Variants in CDH13 observed in about 807,000 individuals in gnomAD.
CDH13 encodes the protein cadherin 13, also known as cadherin-13.
A neutral mutation model predicts 63.8 loss-of-function variants in CDH13; 24 were observed. That is an observed-to-expected ratio of 0.38 (90% CI 0.27 to 0.53). The LOEUF is 0.53. Among genes scored for constraint, CDH13 ranks in the 20% least tolerant of loss-of-function variants. The pLI, the probability that CDH13 is intolerant of heterozygous loss-of-function variation, is 0.85. For missense variants in CDH13, 1,049 were observed against 903.1 expected (o/e 1.16, Z -2.07); for synonymous variants, 503 against 355.3 (o/e 1.42, Z -4.67).
intron 10 of CDH13, among the ~76,000 whole-genome samples, chr16:83,738,267 G>C (rs1261741334): frequency 6.6e-6 from 1 of 152,168 alleles, no homozygotes; most frequent in African/African-American, 2.4e-5. Context: ...GCGGTGCCTG[G>C]CATGAAACAG....
chr16:83,266,902 A>G (rs1182734763), intron 5 of CDH13, among the ~76,000 whole-genome samples: 1 of 152,142 alleles, frequency 6.6e-6, no homozygotes, highest in Non-Finnish European at 1.5e-5. Context: ...AATGACCCAC[A>G]GTTACCTCTA....
intron 1 of CDH13, among the ~76,000 whole-genome samples, chr16:82,695,546 T>C (rs1330685763): frequency 6.6e-6 from 1 of 152,164 alleles, no homozygotes; most frequent in Non-Finnish European, 1.5e-5. Context: ...GCTCCTAACG[T>C]AGCTTTGGAG....
chr16:83,555,541 G>C (rs983846019), intron 7 of CDH13, among the ~76,000 whole-genome samples: 1 of 152,210 alleles, frequency 6.6e-6, no homozygotes, highest in Non-Finnish European at 1.5e-5. Flanking sequence ...TGAGCACTTA[G>C]TTGACTGAAT....
chr16:82,965,752 C>G (rs1457635006), intron 2 of CDH13, among the ~76,000 whole-genome samples: 1 of 152,202 alleles, frequency 6.6e-6, no homozygotes, highest in Non-Finnish European at 1.5e-5. Flanking sequence ...CTCAGTCTCC[C>G]AAAGTGCTGG....
intron 7 of CDH13, among the ~76,000 whole-genome samples, chr16:83,571,750 T>C (rs1172899146): frequency 6.6e-6 from 1 of 152,214 alleles, no homozygotes; most frequent in East Asian, 1.9e-4. Context: ...CTCTCTTGTA[T>C]TCCCAAACTG....
intron 3 of CDH13, among the ~76,000 whole-genome samples, chr16:83,095,246 C>A (rs1286453250): frequency 6.6e-6 from 1 of 152,196 alleles, no homozygotes; most frequent in Non-Finnish European, 1.5e-5. Flanking sequence ...TTCTCCAAAA[C>A]ACTCACTGTT....
intron 8 of CDH13, among the ~76,000 whole-genome samples, chr16:83,670,578 C>T (rs545192362): frequency 1.3e-5 from 2 of 152,308 alleles, no homozygotes; most frequent in Admixed American, 1.3e-4. Context: ...ATCATTGCTG[C>T]CCACATTCTG....
chr16:83,472,018 C>T (rs931408), intron 6 of CDH13, among the ~76,000 whole-genome samples: 2 of 152,148 alleles, frequency 1.3e-5, no homozygotes, highest in African/African-American at 2.4e-5. Flanking sequence ...CTTTATCAAA[C>T]GTGGTGCTTC....
chr16:83,749,021 T>G (rs1376462776), intron 11 of CDH13, among the ~76,000 whole-genome samples: 4 of 152,170 alleles, frequency 2.6e-5, no homozygotes, highest in Non-Finnish European at 5.9e-5. Flanking sequence ...ATACTTTGAA[T>G]GCAGAGCTGA....
chr16:82,792,825 G>A (rs1267768759), intron 1 of CDH13, among the ~76,000 whole-genome samples: 3 of 152,228 alleles, frequency 2.0e-5, no homozygotes, highest in African/African-American at 7.2e-5. Context: ...CATCCAGGCT[G>A]CGTGACATCA....
At chr16:83,366,300 A>C (rs1183404844) in intron 6 of CDH13, among the ~76,000 whole-genome samples, 1 of 152,220 alleles carries the variant, frequency 6.6e-6, no homozygotes, top group Non-Finnish European at 1.5e-5. Context: ...TCTCAGGGAC[A>C]TGTTTAGCAA....
rs77124919 is a variant in CDH13, at chr16:83,126,862, A to G, written c.483+1361A>G. On this transcript the variant is annotated intron_variant, in intron 4 of 13. Transcript: ENST00000567109. ...TGAAGAAGCAGATAATAAAGCTAACATGCTAGTGGGAAGACAGAAACAAGA... is the reference window on the plus strand; with the variant it reads ...TGAAGAAGCAGATAATAAAGCTAACGTGCTAGTGGGAAGACAGAAACAAGA... 5.1e-3 allele frequency among the ~76,000 whole-genome samples: 775 copies of G among 152,348 alleles called. 8 individuals carry two copies. The highest frequency in any genetic ancestry group is 0.018 in the African/African-American group (751 of 41,592).
chr16:83,289,457 AT>A (rs937914516), intron 5 of CDH13, among the ~76,000 whole-genome samples: 2 of 152,046 alleles, frequency 1.3e-5, no homozygotes, highest in African/African-American at 4.8e-5. Flanking sequence ...AGATATTGAT[AT>A]TTTTTCAGCA....
At chr16:83,117,966 C>G (rs755167510) in intron 3 of CDH13, among the ~76,000 whole-genome samples, 3 of 152,210 alleles carry the variant, frequency 2.0e-5, no homozygotes, top group Non-Finnish European at 4.4e-5. Context: ...AGATGAAGAC[C>G]TTGCTTAGCT....
intron 13 of CDH13, among the ~76,000 whole-genome samples, chr16:83,794,160 G>C (rs1485724250): frequency 6.6e-6 from 1 of 152,198 alleles, no homozygotes; most frequent in Non-Finnish European, 1.5e-5. Flanking sequence ...ATAAGACTGA[G>C]CTCAGTCTTC....
chr16:83,164,343 T>C (rs921708519), intron 4 of CDH13, among the ~76,000 whole-genome samples: 2 of 151,942 alleles, frequency 1.3e-5, no homozygotes, highest in Non-Finnish European at 2.9e-5. Context: ...ACACATCACA[T>C]ACCACACACC....
chr16:83,154,003 G>A (rs193262421), intron 4 of CDH13, among the ~76,000 whole-genome samples: 4 of 152,242 alleles, frequency 2.6e-5, no homozygotes, highest in East Asian at 1.9e-4. Context: ...TCAAAAATAC[G>A]TATTCCTTCT....
At chr16:83,103,573 C>T (rs140516960) in intron 3 of CDH13, among the ~76,000 whole-genome samples, 76 of 152,254 alleles carry the variant, frequency 5.0e-4, no homozygotes, top group African/African-American at 1.8e-3. Context: ...GGAAAGACAG[C>T]ACATGCAGGA....
chr16:82,996,078 A>G (rs1432776339), intron 2 of CDH13, among the ~76,000 whole-genome samples: 1 of 152,110 alleles, frequency 6.6e-6, no homozygotes, highest in African/African-American at 2.4e-5. Flanking sequence ...TAAAAGGCTT[A>G]CCGGGCAAAA....
Sources: allele counts gnomAD v4.1 joint callset (sites outside exome capture counted in the v4.1 genomes callset), GRCh38; gene constraint gnomAD v4.1.1; transcripts MANE v1.5; gene names NCBI Gene and HGNC (gene_info 2026-07-23, HGNC 2026-07-21).